ABCA9: variants seen among roughly 807,000 people sequenced by gnomAD.
ABCA9 encodes ATP binding cassette subfamily A member 9.
In ABCA9, 183 loss-of-function variants were observed where a neutral mutation model predicts 205.3. That is an observed-to-expected ratio of 0.89 (90% CI 0.79 to 1.01). ABCA9 has a LOEUF of 1.01. ABCA9 is among the 50% of genes least tolerant of loss of function. The pLI, the probability that ABCA9 is intolerant of heterozygous loss-of-function variation, is 0.00. For synonymous variants in ABCA9, 651 were observed against 683.3 expected (o/e 0.95, Z 0.74); for missense variants, 1,805 against 1,912.4 (o/e 0.94, Z 1.05).
intron 1 of ABCA9, chr17:69,051,753 T>C (rs552614918): frequency 8.5e-5 from 13 of 152,282 alleles, no homozygotes; most frequent in African/African-American, 3.1e-4. Context: ...CTTAAAAATA[T>C]AGCTCCAGTT....
Position 68,976,023 on chromosome 17 carries a change from A to C in ABCA9, c.4777-10T>G. 2 of 1,613,292 alleles carry C rather than the reference A, an allele frequency of 1.2e-6. No homozygotes were observed. Among genetic ancestry groups the C allele is most frequent in the Middle Eastern group, 1.6e-4 (1 of 6,062 alleles). ...AGAGCTCCAGGAAAACCTAAAAGGA[A>C]GGAAAGAAATAAAGAGAGGAGAACA... is the stretch of plus-strand genomic sequence containing the variant. On this transcript the variant is annotated splice_polypyrimidine_tract_variant and intron_variant, in intron 38 of 38. Transcript: ENST00000340001.
In ABCA9 at chr17:69,036,871, CAAAAAAAAAAAAAAAAAA is replaced by C. The variant is rs781565554; in HGVS notation, c.801-1088_801-1071del. 1.1e-3 allele frequency among the ~76,000 whole-genome samples: 5 copies of C among 4,708 alleles called. 1 individual carries two copies. The highest frequency in any genetic ancestry group is 2.4e-3 in the African/African-American group (4 of 1,682). 3.1% of individuals were successfully genotyped at this position (4,708 alleles called of 152,430 possible). A position where few individuals can be genotyped will look rare whatever the true frequency, so the allele number is the denominator to read the frequency against. On this transcript the variant is annotated intron_variant, in intron 6 of 38. Coordinates refer to ENST00000340001, the MANE Select transcript of ABCA9 (RefSeq NM_080283.4). ...GAATATTTACCAAGTAAATGGAAAG[CAAAAAAAAAAAAAAAAAA>C]AAAAAAAAAGCAGAGGTTGCAATCC...
At position 69,051,066 on chromosome 17, in the gene ABCA9, G is replaced by C; in HGVS notation, c.61C>G (p.Leu21Val). The C allele has an allele frequency of 5.0e-6, 8 of 1,613,606 alleles. No homozygotes were observed. Among genetic ancestry groups the C allele is most frequent in the Non-Finnish European group, 6.8e-6 (8 of 1,179,764 alleles). Residue 21 changes from leucine (L) to valine (V), a missense_variant, in exon 2 of 39, where the codon CTC (leucine) becomes GTC (valine). Coordinates refer to ENST00000340001, the MANE Select transcript of ABCA9 (RefSeq NM_080283.4). ...QTWALLCKNC[L>V]KKWRMKRQTL... is the part of the protein sequence containing the mutation. ...TGTCTTTTCATTCTCCATTTTTTGAGACAGTTCTTGCAGAGAAGAGCCCAT... is the reference window on the plus strand; with the variant it reads ...TGTCTTTTCATTCTCCATTTTTTGACACAGTTCTTGCAGAGAAGAGCCCAT...
At chr17:69,072,997 CAAAG>C in the ABCA9 span, among the ~76,000 whole-genome samples, 1 of 151,972 alleles carries the variant, frequency 6.6e-6, no homozygotes, top group African/African-American at 2.4e-5. Context: ...TCAAAAGAGA[CAAAG>C]AAGGGCATTA....
rs1283766618 is a variant in ABCA9 at position 69,026,245 on chromosome 17, C to T, written c.2141+132G>A. ...ATTCTAGCTAAAAAAGCAATTATGC[C>T]TTAGTTCTACCATAGCTCCCTTGAA... is the stretch of plus-strand genomic sequence containing the variant. On this transcript the variant is annotated intron_variant, in intron 16 of 38. Transcript: ENST00000340001. 7.5e-6 allele frequency: 5 copies of T among 669,248 alleles called. No individual in the cohort carries two copies. In the East Asian group the frequency reaches 1.0e-4, roughly 14 times the overall value. The allele number at this position is 669,248 out of a possible 1,614,324, so 41.5% of individuals were successfully genotyped here.
In ABCA9 at chr17:68,982,653, A is replaced by G. The variant is rs376898233; in HGVS notation, c.4641-12T>C. ...TCAGGGAGGAGAACCTGCGAAGAGA[A>G]GACAGTGAGGCTGAACTCCAGGTGT... On this transcript the variant is annotated splice_polypyrimidine_tract_variant and intron_variant, in intron 36 of 38. Transcript: ENST00000340001. The G allele has an allele frequency of 5.6e-6, 9 of 1,610,978 alleles. No individual in the cohort carries two copies. The highest frequency in any genetic ancestry group is 6.8e-6 in the Non-Finnish European group (8 of 1,177,230).
chr17:69,061,107 C>A, upstream of ABCA9: 1 of 985,380 alleles, frequency 1.0e-6, no homozygotes, highest in Non-Finnish European at 1.2e-6. Flanking sequence ...TTCTTTGTTT[C>A]CTGCTAGTTA....
At chr17:69,063,586 G>GT (rs2072306754), upstream of ABCA9, among the ~76,000 whole-genome samples, 1 of 140,086 alleles carries the variant, frequency 7.1e-6, no homozygotes, top group Non-Finnish European at 1.6e-5. Context: ...ATTTCTCTTT[G>GT]TTTTTTGTTT....
chr17:69,035,478 A>G (rs765064251), intron 7 of ABCA9, 47 bp from the exon 8 acceptor site: 3 of 1,469,182 alleles, frequency 2.0e-6, no homozygotes, highest in Non-Finnish European at 2.7e-6. Flanking sequence ...CTGTGAGAAC[A>G]GTAGCACAAA....
Position 69,017,647 on chromosome 17 carries a change from C to G in ABCA9, c.2901+9G>C. On this transcript the variant is annotated intron_variant, in intron 21 of 38. Transcript: ENST00000340001. ...TTTGGTGAAATGCAGCAACTGGAGT[C>G]CAGCATACCTTTTCATCACCTGACA... The G allele has an allele frequency of 6.2e-7, 1 of 1,612,160 alleles. No homozygotes were observed.
chr17:69,036,784 C>T (rs547296107), intron 6 of ABCA9, among the ~76,000 whole-genome samples: 5 of 144,788 alleles, frequency 3.5e-5, no homozygotes, highest in Admixed American at 7.1e-5. Context: ...ATTTGTGTGC[C>T]GTATTCAAGA....
At chr17:69,016,169 G>A (rs2070602536) in intron 22 of ABCA9, 84 bp downstream of exon 22, 3 of 1,003,538 alleles carry the variant, frequency 3.0e-6, no homozygotes, top group South Asian at 2.5e-5. Context: ...TTCACAAAAA[G>A]TAATATAACA....
rs779375340 is a variant in ABCA9, at chr17:68,984,136, G to A, written c.4419C>T (p.Gly1473=). Residue 1473 remains glycine (G), a synonymous_variant, in exon 35 of 39, where the codon GGC becomes GGT. Coordinates refer to ENST00000340001, the MANE Select transcript of ABCA9 (RefSeq NM_080283.4). ...IRATFRNTER[G]ALLTTHYMAE... is the part of the protein sequence containing the mutation. ...CCATGTAGTGGGTGGTCAGGAGGGCGCCCCTCTCCGTGTTTCTAAAGGTGG... is the reference window on the plus strand; with the variant it reads ...CCATGTAGTGGGTGGTCAGGAGGGCACCCCTCTCCGTGTTTCTAAAGGTGG... The A allele has an allele frequency of 8.2e-5, 132 of 1,614,000 alleles. 1 individual carries two copies. In the Middle Eastern group the frequency reaches 8.2e-4, roughly 10 times the overall value.
At position 69,049,385 on chromosome 17, in the gene ABCA9, C is replaced by CA. The variant is rs749536407; in HGVS notation, c.201dup (p.Val68CysfsTer3). ...TAATTAGTATCATTAAAACTATCTA[C>CA]ACGTCCCAGATCCATTGAAGACATT... On this transcript the variant is annotated frameshift_variant, in exon 3 of 39. Coordinates refer to ENST00000340001, the MANE Select transcript of ABCA9 (RefSeq NM_080283.4). LOFTEE classifies it high-confidence loss of function. 4 of 1,612,966 alleles carry CA rather than the reference C, an allele frequency of 2.5e-6. No homozygotes were observed. Among genetic ancestry groups the CA allele is most frequent in the Middle Eastern group, 1.7e-4 (1 of 6,050 alleles).
rs1278332711 is a variant in ABCA9 at position 69,023,531 on chromosome 17, A to T, written c.2281+683T>A. Among the ~76,000 whole-genome samples, 1 of 152,184 alleles carries T rather than the reference A, an allele frequency of 6.6e-6. No individual in the cohort carries two copies. Among genetic ancestry groups the T allele is most frequent in the Non-Finnish European group, 1.5e-5 (1 of 68,038 alleles). Reference sequence around the variant, plus strand: ...TTTCTTTATGGACCAAGGTTATGTCATGCTTATTGATTCAAGCATGCAGCA... The same window carrying T: ...TTTCTTTATGGACCAAGGTTATGTCTTGCTTATTGATTCAAGCATGCAGCA... On this transcript the variant is annotated intron_variant, in intron 17 of 38. Coordinates refer to ENST00000340001, the MANE Select transcript of ABCA9 (RefSeq NM_080283.4). The surrounding 1 kb of genome is among the most constrained non-coding windows in gnomAD (Gnocchi z 4.2).
At chr17:69,035,460 ATATAATT>A in intron 7 of ABCA9, 29 bp from the exon 8 acceptor site, 1 of 1,524,348 alleles carries the variant, frequency 6.6e-7, no homozygotes, top group Non-Finnish European at 8.8e-7. Flanking sequence ...TTCAGCTGGT[ATATAATT>A]CTGTGAGAAC....
intron 6 of ABCA9, among the ~76,000 whole-genome samples, chr17:69,038,477 T>G (rs2071419388): frequency 6.6e-6 from 1 of 152,156 alleles, no homozygotes; most frequent in African/African-American, 2.4e-5. Flanking sequence ...CACATGATTA[T>G]CTCAAGAGAT....
rs776715365 is a variant in ABCA9, at chr17:68,989,050, C to T, written c.4024G>A (p.Asp1342Asn). The stretch of plus-strand genomic sequence containing the variant: ...ACCTGTCCTGCAGTTGGTTTTGTGT[C>T]TCCAGTTATCATCTTAATAGTTGTA... ...KSTTIKMITG[D>N]TKPTAGQVIL... Residue 1342 changes from aspartate to asparagine, a missense_variant, in exon 31 of 39, where the codon GAC becomes AAC. Asp to Asn is a conservative substitution (Grantham distance 23). Coordinates refer to ENST00000340001, the MANE Select transcript of ABCA9 (RefSeq NM_080283.4). 1.9e-6 allele frequency: 3 copies of T among 1,612,938 alleles called. No homozygotes were observed. In the South Asian group the frequency reaches 3.3e-5, roughly 18 times the overall value.
intron 27 of ABCA9, 124 bp downstream of exon 27, chr17:68,992,892 T>TGTGTGCACGCATGCATGCATGTGCATGG: frequency 1.5e-6 from 1 of 688,496 alleles, no homozygotes; most frequent in Non-Finnish European, 2.5e-6. Flanking sequence ...CATGTGCATG[T>TGTGTGCACGCATGCATGCATGTGCATGG]GTGTGTTGCT....
Sources: allele counts gnomAD v4.1 joint callset (sites outside exome capture counted in the v4.1 genomes callset), GRCh38; gene constraint gnomAD v4.1.1; non-coding constraint Gnocchi (gnomAD v3.1); transcripts MANE v1.5; gene names NCBI Gene and HGNC (gene_info 2026-07-23, HGNC 2026-07-21).